Variants in DCC observed in about 807,000 individuals in gnomAD.
DCC encodes DCC netrin 1 receptor, also known as netrin receptor DCC.
DCC carries 58 observed loss-of-function variants against 172.5 expected under a neutral mutation model. The observed-to-expected ratio is 0.34, with a 90% CI of 0.27 to 0.42. DCC has a LOEUF of 0.42. DCC is among the 10% of genes least tolerant of loss of function. The pLI is 1.00. For missense variants in DCC, 1,740 were observed against 1,791.0 expected (o/e 0.97, Z 0.51); for synonymous variants, 709 against 644.5 (o/e 1.10, Z -1.52).
chr18:53,151,907 G>T (rs2054647079), intron 7 of DCC, among the ~76,000 whole-genome samples: 1 of 151,562 alleles, frequency 6.6e-6, no homozygotes, highest in Non-Finnish European at 1.5e-5. Context: ...ATAACTTTAT[G>T]AACTGTAAAA....
intron 7 of DCC, among the ~76,000 whole-genome samples, chr18:53,093,394 G>A (rs1386758583): frequency 6.6e-6 from 1 of 152,156 alleles, no homozygotes; most frequent in East Asian, 1.9e-4. Context: ...TGCTCGAAAT[G>A]AGACCTAGGT....
chr18:52,536,147 C>A (rs902810129), intron 1 of DCC, among the ~76,000 whole-genome samples: 1 of 151,956 alleles, frequency 6.6e-6, no homozygotes, highest in Non-Finnish European at 1.5e-5. Context: ...GGGCTACTTG[C>A]GGGAGGAACA....
intron 21 of DCC, among the ~76,000 whole-genome samples, chr18:53,434,440 T>C (rs528778932): frequency 3.3e-5 from 5 of 152,282 alleles, no homozygotes; most frequent in South Asian, 4.1e-4. Flanking sequence ...TTTTGGATGA[T>C]AGTATAATTA....
At chr18:52,647,611 C>T (rs545303102) in intron 1 of DCC, among the ~76,000 whole-genome samples, 4 of 152,202 alleles carry the variant, frequency 2.6e-5, no homozygotes, top group Non-Finnish European at 5.9e-5. Context: ...CACCGTAGGT[C>T]TGGTTCAATT....
intron 15 of DCC, among the ~76,000 whole-genome samples, chr18:53,362,788 A>T (rs1220401476): frequency 6.6e-6 from 1 of 152,176 alleles, no homozygotes; most frequent in African/African-American, 2.4e-5. Context: ...CCACCGCCTT[A>T]CAAATAGTGT....
chr18:53,423,255 A>G (rs1311847922), intron 21 of DCC, among the ~76,000 whole-genome samples: 1 of 152,078 alleles, frequency 6.6e-6, no homozygotes, highest in Non-Finnish European at 1.5e-5. Context: ...TTTGGATGCC[A>G]TTTCCTTGTA....
chr18:52,640,201 G>A (rs753985901), intron 1 of DCC, among the ~76,000 whole-genome samples: 1 of 152,056 alleles, frequency 6.6e-6, no homozygotes, highest in Non-Finnish European at 1.5e-5. Flanking sequence ...GCATACAAGG[G>A]ACATATCTTA....
chr18:52,996,791 T>G (rs1339960507), intron 5 of DCC, among the ~76,000 whole-genome samples: 1 of 69,038 alleles, frequency 1.4e-5, no homozygotes, highest in Non-Finnish European at 3.1e-5. Context: ...TTTTTTTTTT[T>G]GCCTCTCTCT....
At chr18:53,049,073 GGATATTATGCCTTTGTCA>G (rs1365444231) in intron 5 of DCC, among the ~76,000 whole-genome samples, 2 of 151,784 alleles carry the variant, frequency 1.3e-5, no homozygotes, top group Non-Finnish European at 2.9e-5. Context: ...TATAGATTCT[GGATATTATGCCTTTGTCA>G]GATATTATGC....
intron 15 of DCC, among the ~76,000 whole-genome samples, chr18:53,385,824 C>A (rs1599092514): frequency 1.3e-5 from 2 of 152,098 alleles, no homozygotes; most frequent in African/African-American, 4.8e-5. Flanking sequence ...CGGTTTTCTA[C>A]CTAGTAGTTC....
chr18:53,527,060 A>C, intron 28 of DCC: 1 of 402,026 alleles, frequency 2.5e-6, no homozygotes, highest in Non-Finnish European at 4.7e-6. Context: ...TACATAATAT[A>C]TACATATACA....
chr18:53,477,291 G>A (rs1283710150), intron 25 of DCC, among the ~76,000 whole-genome samples: 3 of 152,194 alleles, frequency 2.0e-5, no homozygotes, highest in Non-Finnish European at 4.4e-5. Context: ...GTACAGGTAT[G>A]AGCCACTGTG....
intron 1 of DCC, among the ~76,000 whole-genome samples, chr18:52,527,309 T>C (rs759897841): frequency 6.6e-6 from 1 of 152,226 alleles, no homozygotes; most frequent in Non-Finnish European, 1.5e-5. Context: ...GAAACAAACA[T>C]AGCCTTTTTT....
chr18:53,112,464 G>C (rs78295883), intron 7 of DCC, among the ~76,000 whole-genome samples: 1 of 151,374 alleles, frequency 6.6e-6, no homozygotes, highest in Admixed American at 6.6e-5. Context: ...TATAATAAAT[G>C]GCAGCTTCTG....
At chr18:53,076,083 C>T (rs1037240002) in intron 7 of DCC, among the ~76,000 whole-genome samples, 1 of 152,106 alleles carries the variant, frequency 6.6e-6, no homozygotes, top group African/African-American at 2.4e-5. Flanking sequence ...TCCTTCTTTC[C>T]CAACTCCTCT....
chr18:52,403,833 CT>C (rs1297824981), intron 1 of DCC, among the ~76,000 whole-genome samples: 1 of 152,026 alleles, frequency 6.6e-6, no homozygotes, highest in African/African-American at 2.4e-5. Flanking sequence ...CCCTAGTGCT[CT>C]TAAAAGCAGG....
At chr18:52,469,969 C>A (rs980070034) in intron 1 of DCC, among the ~76,000 whole-genome samples, 7 of 152,228 alleles carry the variant, frequency 4.6e-5, no homozygotes, top group African/African-American at 1.7e-4. Context: ...AGATTTTACT[C>A]ACATGGCAGA....
chr18:53,339,286 GTTAGT>G (rs1175736400), intron 14 of DCC, among the ~76,000 whole-genome samples: 2 of 152,166 alleles, frequency 1.3e-5, no homozygotes, highest in Non-Finnish European at 2.9e-5. Context: ...GAAAGGACTG[GTTAGT>G]TTGTTATTGT....
At chr18:52,689,143 C>T (rs573904923) in intron 1 of DCC, among the ~76,000 whole-genome samples, 1 of 152,172 alleles carries the variant, frequency 6.6e-6, no homozygotes, top group East Asian at 1.9e-4. Context: ...TATTGAGTAC[C>T]TTCTAAGCAC....
Sources: allele counts gnomAD v4.1 joint callset (sites outside exome capture counted in the v4.1 genomes callset), GRCh38; gene constraint gnomAD v4.1.1; transcripts MANE v1.5; gene names NCBI Gene and HGNC (gene_info 2026-07-23, HGNC 2026-07-21).